The following MIB1 variants were observed in gnomAD, a reference collection of about 807,000 sequenced individuals.
The protein encoded by MIB1 is E3 ubiquitin-protein ligase MIB1.
In MIB1, 278 loss-of-function variants were observed where a neutral mutation model predicts 124.5. That is an observed-to-expected ratio of 2.23 (90% CI 2.02 to 2.47). MIB1 has a LOEUF of 2.47. Among genes scored for constraint, MIB1 ranks in the 30% most tolerant of loss-of-function variants. MIB1 has a pLI of 0.00. For missense variants in MIB1, 957 were observed against 1,254.4 expected, an observed-to-expected ratio of 0.76 and a Z score of 3.58; for synonymous variants, 446 against 429.4, an observed-to-expected ratio of 1.04 and a Z score of -0.48.
intron 1 of MIB1, among the ~76,000 whole-genome samples, chr18:21,764,109 C>T (rs1354837527): frequency 1.3e-5 from 2 of 152,110 alleles, no homozygotes; most frequent in Non-Finnish European, 2.9e-5. Context: ...TCTGTCCCTA[C>T]AGTCAAGCAT....
At chr18:21,722,921 A>C (rs1159184639) in intron 1 of MIB1, among the ~76,000 whole-genome samples, 1 of 152,166 alleles carries the variant, frequency 6.6e-6, no homozygotes, top group Non-Finnish European at 1.5e-5. Context: ...AGGTTTCTGC[A>C]CTGTAAAGTA....
Position 21,779,614 on chromosome 18 carries a change from A to G in MIB1, c.837A>G (p.Leu279=). The part of the protein sequence containing the change: ...GGWTDGMFET[L]TTTGTVCGID... ...GGACTGATGGAATGTTTGAGACTTT[A>G]ACTACAACTGGAACTGTTTGTGGCA... The change falls in exon 6 of 21, where the codon TTA becomes TTG. Residue 279 remains leucine, a synonymous_variant. Coordinates refer to ENST00000261537, the MANE Select transcript of MIB1 (RefSeq NM_020774.4). The G allele has an allele frequency of 6.2e-7, 1 of 1,614,130 alleles. No individual in the cohort carries two copies. Among genetic ancestry groups the G allele is most frequent in the Non-Finnish European group, 8.5e-7 (1 of 1,179,998 alleles).
chr18:21,778,172 G>A lies in MIB1; in HGVS notation c.703+3G>A, dbSNP rs2041314153. 1.3e-6 allele frequency: 2 copies of A among 1,587,710 alleles called. No individual in the cohort carries two copies. Among genetic ancestry groups the A allele is most frequent in the South Asian group, 1.1e-5 (1 of 90,494 alleles). ...CAGAGATCACTGCCCTGTGCTAGGT[G>A]AGTGAGAAGATTAGAGAGTATTACT... On this transcript the variant is annotated splice_donor_region_variant and intron_variant, in intron 5 of 20. Transcript: ENST00000261537.
chr18:21,750,715 C>T (rs1355624599), intron 1 of MIB1, among the ~76,000 whole-genome samples: 1 of 152,200 alleles, frequency 6.6e-6, no homozygotes, highest in African/African-American at 2.4e-5. Context: ...CCACCCGCCT[C>T]AGCCTCCCAA....
intron 1 of MIB1, among the ~76,000 whole-genome samples, chr18:21,719,806 C>T (rs1258787379): frequency 4.0e-5 from 6 of 151,838 alleles, no homozygotes; most frequent in African/African-American, 1.2e-4. Flanking sequence ...AAAAACAGAC[C>T]CTTTAATATA....
intron 1 of MIB1, among the ~76,000 whole-genome samples, chr18:21,756,019 A>C (rs1413277165): frequency 6.6e-6 from 1 of 152,182 alleles, no homozygotes; most frequent in African/African-American, 2.4e-5. Context: ...TTGAATTGAA[A>C]TATTTTACAT....
intron 17 of MIB1, among the ~76,000 whole-genome samples, chr18:21,850,767 A>T (rs1439155402): frequency 6.6e-6 from 1 of 152,174 alleles, no homozygotes; most frequent in African/African-American, 2.4e-5. Context: ...ATTAATGTGG[A>T]TCATTCTACT....
At chr18:21,851,882 C>T (rs981159762) in intron 17 of MIB1, among the ~76,000 whole-genome samples, 3 of 151,654 alleles carry the variant, frequency 2.0e-5, no homozygotes, top group Non-Finnish European at 2.9e-5. Flanking sequence ...CTTATAATAG[C>T]GGAATAGGTA....
chr18:21,859,413 G>A (rs2042255191), intron 20 of MIB1, among the ~76,000 whole-genome samples: 1 of 145,352 alleles, frequency 6.9e-6, no homozygotes, highest in Non-Finnish European at 1.5e-5. Flanking sequence ...AAAAAGTCAA[G>A]GATAGTGGTT....
chr18:21,768,238 G>T (rs2041186335), intron 2 of MIB1, among the ~76,000 whole-genome samples: 1 of 152,212 alleles, frequency 6.6e-6, no homozygotes, highest in African/African-American at 2.4e-5. Flanking sequence ...AGGATCATAT[G>T]TGGAGTCCAT....
intron 1 of MIB1, among the ~76,000 whole-genome samples, chr18:21,732,043 G>T (rs1157428825): frequency 6.6e-6 from 1 of 150,486 alleles, no homozygotes. Flanking sequence ...ATACTTCTTG[G>T]TGGCAGGCGC....
intron 1 of MIB1, among the ~76,000 whole-genome samples, chr18:21,749,320 C>A (rs181866525): frequency 7.2e-5 from 11 of 152,270 alleles, no homozygotes; most frequent in Admixed American, 7.2e-4. Flanking sequence ...ACATAAGAAT[C>A]TGTCTTATTC....
Position 21,768,648 on chromosome 18 carries a change from T to C in MIB1, c.427T>C (p.Ser143Pro). 6.3e-7 allele frequency: 1 copy of C among 1,587,506 alleles called. No homozygotes were observed. Among genetic ancestry groups the C allele is most frequent in the Non-Finnish European group, 8.6e-7 (1 of 1,165,550 alleles). The stretch of plus-strand genomic sequence containing the variant: ...GGTTCTGTTAGAGTCTCGTAGGAAA[T>C]CTAAGAAGATTACAGCCAGAGGAAT... ...ERVLLESRRK[S>P]KKITARGIFA... Residue 143 changes from serine to proline, a missense_variant, in exon 3 of 21, where the codon TCT (serine) becomes CCT (proline). Coordinates refer to ENST00000261537, the MANE Select transcript of MIB1 (RefSeq NM_020774.4).
At chr18:21,723,836 A>G (rs2040725846) in intron 1 of MIB1, among the ~76,000 whole-genome samples, 2 of 151,616 alleles carry the variant, frequency 1.3e-5, no homozygotes, top group East Asian at 3.9e-4. Context: ...TTATAAATCC[A>G]CATCTGTTTA....
At chr18:21,751,096 T>C (rs2040969539) in intron 1 of MIB1, among the ~76,000 whole-genome samples, 1 of 151,390 alleles carries the variant, frequency 6.6e-6, no homozygotes, top group Non-Finnish European at 1.5e-5. Context: ...TATTTGTTGG[T>C]GAGGCTGAGG....
chr18:21,771,099 T>G (rs1261588699), intron 3 of MIB1, among the ~76,000 whole-genome samples: 1 of 152,204 alleles, frequency 6.6e-6, no homozygotes, highest in Non-Finnish European at 1.5e-5. Flanking sequence ...GATGAACAGG[T>G]GCAAATTTTG....
rs1302010854 is a variant in MIB1 at position 21,803,958 on chromosome 18, G to T, written c.1423G>T (p.Gly475Ter). The change falls in exon 10 of 21, where the codon GGA becomes TGA. Residue 475 changes from glycine (G) to a stop codon, truncating the protein, a stop_gained. Coordinates refer to ENST00000261537, the MANE Select transcript of MIB1 (RefSeq NM_020774.4). LOFTEE classifies it high-confidence loss of function. Reference protein sequence around the residue: ...HTAMQAASQNGHVDILKLLLK... With the variant: ...HTAMQAASQN ...AGCTATGCAAGCTGCTAGTCAGAAT[G>T]GACATGTTGACATTTTGAAGTTACT... 1 of 1,613,716 alleles carries T rather than the reference G, an allele frequency of 6.2e-7. No homozygotes were observed.
intron 1 of MIB1, among the ~76,000 whole-genome samples, chr18:21,717,780 C>A (rs777566082): frequency 6.6e-6 from 1 of 152,192 alleles, no homozygotes; most frequent in Non-Finnish European, 1.5e-5. Flanking sequence ...ACGAAGAACA[C>A]TTCTACACTG....
intron 6 of MIB1, among the ~76,000 whole-genome samples, chr18:21,788,030 A>C (rs1482933791): frequency 6.6e-6 from 1 of 150,768 alleles, no homozygotes; most frequent in Non-Finnish European, 1.5e-5. Flanking sequence ...CTCTCCTTTT[A>C]CTCTCCATAG....
Sources: gnomAD v4.1 joint callset for allele counts (sites outside exome capture counted in the v4.1 genomes callset) on GRCh38, gnomAD v4.1.1 for gene constraint, MANE v1.5 for transcripts, NCBI Gene and HGNC (gene_info 2026-07-23, HGNC 2026-07-21) for gene names.